The following FERMT2 variants were observed in gnomAD, a reference collection of about 807,000 sequenced individuals.
FERMT2 encodes FERM domain containing kindlin 2.
In FERMT2, 15 loss-of-function variants were observed where a neutral mutation model predicts 82.7. That is an observed-to-expected ratio of 0.18 (90% CI 0.12 to 0.28). The LOEUF is 0.28. Ranked by LOEUF, FERMT2 falls within the 10% of genes least tolerant of loss-of-function variation. FERMT2 has a pLI of 1.00. For missense variants in FERMT2, 645 were observed against 809.4 expected, an observed-to-expected ratio of 0.80 and a Z score of 2.46; for synonymous variants, 274 against 271.5, an observed-to-expected ratio of 1.01 and a Z score of -0.09.
rs959250995 is a variant in FERMT2 at position 52,893,619 on chromosome 14, T to C, written c.392-192A>G. 2.0e-5 allele frequency among the ~76,000 whole-genome samples: 3 copies of C among 152,156 alleles called. 1 individual carries two copies. The highest frequency in any genetic ancestry group is 1.3e-4 in the Admixed American group (2 of 15,276). On this transcript the variant is annotated intron_variant, in intron 3 of 14. Coordinates refer to ENST00000341590, the MANE Select transcript of FERMT2 (RefSeq NM_006832.3). The stretch of plus-strand genomic sequence containing the variant: ...AAAGCATTCTTAATTCGTAACTATA[T>C]AATAAATGTAATGACCTCAAAGTGG...
intron 2 of FERMT2, among the ~76,000 whole-genome samples, chr14:52,930,810 G>C (rs1258997282): frequency 6.6e-6 from 1 of 152,028 alleles, no homozygotes; most frequent in Non-Finnish European, 1.5e-5. Flanking sequence ...GTAAAGACAG[G>C]GCCTACAAGT....
chr14:52,888,375 G>A (rs760325535), intron 4 of FERMT2, among the ~76,000 whole-genome samples: 23 of 152,170 alleles, frequency 1.5e-4, no homozygotes, highest in Non-Finnish European at 2.8e-4. Context: ...TGAAAAGACT[G>A]ATGCTAACTC....
At chr14:52,904,075 T>C (rs1184513945) in intron 3 of FERMT2, among the ~76,000 whole-genome samples, 1 of 152,188 alleles carries the variant, frequency 6.6e-6, no homozygotes, top group African/African-American at 2.4e-5. Flanking sequence ...AAAGCAAAGA[T>C]GGGAAAACTG....
chr14:52,919,589 G>C (rs976623317), intron 2 of FERMT2, among the ~76,000 whole-genome samples: 2 of 152,186 alleles, frequency 1.3e-5, no homozygotes, highest in Admixed American at 6.5e-5. Context: ...GAATGTTTGA[G>C]TCAACTACAA....
chr14:52,873,413 C>T (rs1313216559), intron 9 of FERMT2, among the ~76,000 whole-genome samples: 1 of 152,116 alleles, frequency 6.6e-6, no homozygotes, highest in Non-Finnish European at 1.5e-5. Context: ...GTGACATTAA[C>T]TTGCCACTCC....
chr14:52,897,008 ACACACACAC>A (rs1887310160), intron 3 of FERMT2, among the ~76,000 whole-genome samples: 1 of 20,286 alleles, frequency 4.9e-5, no homozygotes, highest in South Asian at 2.9e-3. Flanking sequence ...AAACACACAC[ACACACACAC>A]ACACACACAC....
intron 3 of FERMT2, among the ~76,000 whole-genome samples, chr14:52,913,695 T>C (rs950119007): frequency 6.6e-6 from 1 of 151,708 alleles, no homozygotes; most frequent in Admixed American, 6.6e-5. Flanking sequence ...GTAGTAGTAG[T>C]AGTAGTAGTA....
In FERMT2 at chr14:52,905,364, G is replaced by A. The variant is rs773573389; in HGVS notation, c.392-11937C>T. On this transcript the variant is annotated intron_variant, in intron 3 of 14. Transcript: ENST00000341590. ...GCAGGCACTGGGGAGAAATTGGGCA[G>A]GAAAGTAGTCTCATGGTATAAGCCT... Among the ~76,000 whole-genome samples the A allele has an allele frequency of 5.9e-5, 9 of 152,150 alleles. No individual in the cohort carries two copies. The South Asian group carries it at 6.2e-4, about 10-fold the overall frequency.
intron 2 of FERMT2, among the ~76,000 whole-genome samples, chr14:52,927,592 T>TAAAAAAAAAAAAAAAAAAAAAA (rs71125150): frequency 3.0e-5 from 1 of 33,714 alleles, no homozygotes; most frequent in Non-Finnish European, 5.1e-5. Flanking sequence ...CTCATCCCTA[T>TAAAAAAAAAAAAAAAAAAAAAA]AAAAAAAAAA....
intron 3 of FERMT2, among the ~76,000 whole-genome samples, chr14:52,917,477 G>T (rs2139633668): frequency 6.6e-6 from 1 of 151,954 alleles, no homozygotes; most frequent in African/African-American, 2.4e-5. Flanking sequence ...CCAGATAATG[G>T]GAATTTGGTA....
At chr14:52,893,902 C>T (rs970809341) in intron 3 of FERMT2, among the ~76,000 whole-genome samples, 4 of 151,504 alleles carry the variant, frequency 2.6e-5, no homozygotes, top group Admixed American at 2.0e-4. Context: ...AATCTCGGCT[C>T]GCCACAACCT....
At chr14:52,875,556 G>C (rs1230095969) in intron 7 of FERMT2, among the ~76,000 whole-genome samples, 199 bp from the exon 8 acceptor site, 1 of 152,072 alleles carries the variant, frequency 6.6e-6, no homozygotes, top group Non-Finnish European at 1.5e-5. Flanking sequence ...AAAAGAAGTA[G>C]GGTCTTTGGA....
Position 52,874,308 on chromosome 14 carries a change from GCTTA to G in FERMT2, c.1099-86_1099-83del, listed in dbSNP as rs549248868. On this transcript the variant is annotated intron_variant, in intron 8 of 14. Coordinates refer to ENST00000341590, the MANE Select transcript of FERMT2 (RefSeq NM_006832.3). ...GTTTGGTATCTGATATCAAGAACTA[GCTTA>G]CTTAATAAACAGAATGACATAAAAT... 133 of 747,870 alleles carry G rather than the reference GCTTA, an allele frequency of 1.8e-4. 1 individual carries two copies. In the African/African-American group the frequency reaches 2.1e-3, roughly 12 times the overall value. 46.3% of individuals were successfully genotyped at this position (747,870 alleles called of 1,614,324 possible).
At chr14:52,933,042 G>A (rs1432732053) in intron 2 of FERMT2, among the ~76,000 whole-genome samples, 4 of 151,842 alleles carry the variant, frequency 2.6e-5, no homozygotes, top group Admixed American at 6.6e-5. Context: ...AAACACTGGC[G>A]ATGAAGCATA....
intron 6 of FERMT2, among the ~76,000 whole-genome samples, chr14:52,879,075 C>T (rs1004038390): frequency 7.2e-5 from 11 of 152,170 alleles, no homozygotes; most frequent in Non-Finnish European, 1.5e-4. Flanking sequence ...AGTGTTATTA[C>T]TGCAACTTGC....
At chr14:52,881,825 G>C (rs1467985319) in intron 4 of FERMT2, 2 of 1,289,086 alleles carry the variant, frequency 1.6e-6, no homozygotes, top group East Asian at 1.1e-4. Flanking sequence ...AAGAACATCA[G>C]TGCCTATAGG....
intron 13 of FERMT2, 196 bp from the exon 14 acceptor site, chr14:52,859,910 T>C (rs760779512): frequency 1.0e-4 from 35 of 337,846 alleles, no homozygotes; most frequent in African/African-American, 1.3e-4. Context: ...CTCCGCCTCC[T>C]GGGTTCACGC....
At chr14:52,862,414 T>A (rs77345329) in intron 12 of FERMT2, among the ~76,000 whole-genome samples, 2,646 of 152,096 alleles carry the variant, frequency 0.017, 104 homozygotes, top group South Asian at 0.11. Flanking sequence ...ACACCTGTAA[T>A]CCCAGTGCTT....
intron 3 of FERMT2, among the ~76,000 whole-genome samples, chr14:52,914,083 C>G (rs1372373271): frequency 6.6e-6 from 1 of 152,018 alleles, no homozygotes; most frequent in Non-Finnish European, 1.5e-5. Context: ...AAAAAACAGG[C>G]TAGATGTGGT....
Sources: gnomAD v4.1 joint callset for allele counts (sites outside exome capture counted in the v4.1 genomes callset) on GRCh38, gnomAD v4.1.1 for gene constraint, MANE v1.5 for transcripts, NCBI Gene and HGNC (gene_info 2026-07-23, HGNC 2026-07-21) for gene names.